The following KIF16B variants were observed in gnomAD, a reference collection of about 807,000 sequenced individuals.
KIF16B encodes kinesin-like protein KIF16B.
Under a neutral mutation model 156.3 loss-of-function variants are expected in KIF16B, and 98 were observed. That is an observed-to-expected ratio of 0.63 (90% CI 0.53 to 0.74). The LOEUF is 0.74. KIF16B is among the 30% of genes least tolerant of loss of function. The pLI is 0.00. For missense variants in KIF16B, 1,421 were observed against 1,606.5 expected (o/e 0.88, Z 1.97); for synonymous variants, 564 against 583.7 (o/e 0.97, Z 0.49).
At chr20:16,367,289 G>A (rs980869691) in intron 22 of KIF16B, 5 of 1,612,842 alleles carry the variant, frequency 3.1e-6, no homozygotes, top group Non-Finnish European at 4.2e-6. Context: ...GCTTCCTGAA[G>A]GTGCTCAGGT....
chr20:16,436,461 C>T (rs1390578653), intron 12 of KIF16B, among the ~76,000 whole-genome samples: 1 of 152,184 alleles, frequency 6.6e-6, no homozygotes, highest in East Asian at 1.9e-4. Context: ...CCTTCACTTA[C>T]AAGAGAGAGT....
chr20:16,427,062 A>T (rs2066373055), intron 15 of KIF16B, 42 bp downstream of exon 15: 2 of 1,499,374 alleles, frequency 1.3e-6, no homozygotes, highest in African/African-American at 2.8e-5. Context: ...TTGTTTTCTC[A>T]AACAATATAT....
Position 16,379,616 on chromosome 20 carries a change from C to T in KIF16B, c.2386G>A (p.Gly796Ser). 6.2e-7 allele frequency: 1 copy of T among 1,614,146 alleles called. No individual in the cohort carries two copies. Among genetic ancestry groups the T allele is most frequent in the Non-Finnish European group, 8.5e-7 (1 of 1,180,024 alleles). ...WVEEEKRDLEGIRESLLRVKE... is the reference protein window; with the variant it reads ...WVEEEKRDLESIRESLLRVKE... ...ACCCGCAGGAGGGATTCCCGAATGC[C>T]TTCCAGGTCCCTCTTCTCCTCTTCC... The change falls in exon 19 of 26, where the codon GGC becomes AGC. Residue 796 changes from glycine (G) to serine (S), a missense_variant. Coordinates refer to ENST00000354981, the MANE Select transcript of KIF16B (RefSeq NM_024704.5).
intron 12 of KIF16B, among the ~76,000 whole-genome samples, chr20:16,434,671 CAGT>C (rs2066596561): frequency 6.6e-6 from 1 of 152,108 alleles, no homozygotes; most frequent in South Asian, 2.1e-4. Context: ...ACCAGGCACA[CAGT>C]AGTCACTCAG....
rs2236144 is a variant in KIF16B, at chr20:16,379,532, G to C, written c.2470C>G (p.Arg824Gly). 6.2e-7 allele frequency: 1 copy of C among 1,614,054 alleles called. No homozygotes were observed. The highest frequency in any genetic ancestry group is 1.7e-5 in the Admixed American group (1 of 60,028). ...DGEELEKAQL[R>G]FFEFKRRQLV... ...TGCCTTCTCTTGAATTCGAAGAAAC[G>C]CAGTTGAGCCTTTTCTAACTCCTCG... Residue 824 changes from arginine (R) to glycine (G), a missense_variant, in exon 19 of 26, where the codon CGT (arginine) becomes GGT (glycine). By Grantham distance (125) the Arg-to-Gly change is moderately radical (BLOSUM62 -2). Coordinates refer to ENST00000354981, the MANE Select transcript of KIF16B (RefSeq NM_024704.5).
chr20:16,329,044 A>G (rs1455108920), intron 24 of KIF16B, among the ~76,000 whole-genome samples: 1 of 152,216 alleles, frequency 6.6e-6, no homozygotes, highest in Non-Finnish European at 1.5e-5. Context: ...TAAAAAAATC[A>G]GACAGGAGTT....
rs770568755 is a variant in KIF16B at position 16,506,097 on chromosome 20, T to A, written c.793A>T (p.Thr265Ser). The A allele has an allele frequency of 3.7e-6, 6 of 1,613,828 alleles. No homozygotes were observed. ...CCCCCTTCCTTTAGCCTAACCCCGG[T>A]GGCTCCGGTGGCATCTGCACGCTCA... Reference protein sequence around the residue: ...GSERADATGATGVRLKEGGNI... With the variant: ...GSERADATGASGVRLKEGGNI... Residue 265 changes from threonine to serine, a missense_variant, in exon 8 of 26, where the codon ACC (threonine) becomes TCC (serine). Coordinates refer to ENST00000354981, the MANE Select transcript of KIF16B (RefSeq NM_024704.5).
intron 12 of KIF16B, among the ~76,000 whole-genome samples, chr20:16,487,851 T>C (rs2068168062): frequency 6.6e-6 from 1 of 152,194 alleles, no homozygotes; most frequent in Non-Finnish European, 1.5e-5. Context: ...GATCCCATCA[T>C]CACATGGATT....
chr20:16,442,454 C>G (rs1238535221), intron 12 of KIF16B, among the ~76,000 whole-genome samples: 3 of 149,874 alleles, frequency 2.0e-5, no homozygotes, highest in African/African-American at 7.4e-5. Context: ...ATACAATTTT[C>G]CACATCAATT....
At chr20:16,473,094 T>C (rs144900168) in intron 12 of KIF16B, among the ~76,000 whole-genome samples, 1 of 152,204 alleles carries the variant, frequency 6.6e-6, no homozygotes, top group Non-Finnish European at 1.5e-5. Flanking sequence ...AATTCTGTTA[T>C]AAGGAATCCA....
intron 22 of KIF16B, among the ~76,000 whole-genome samples, chr20:16,363,032 G>T (rs2064580291): frequency 6.6e-6 from 1 of 152,188 alleles, no homozygotes; most frequent in African/African-American, 2.4e-5. Context: ...TGATGGTGAT[G>T]GTTTGAAAAA....
Position 16,526,210 on chromosome 20 carries a change from A to ATT in KIF16B, c.118-6_118-5insAA. 6.7e-7 allele frequency: 1 copy of ATT among 1,500,058 alleles called. No individual in the cohort carries two copies. Among genetic ancestry groups the ATT allele is most frequent in the Non-Finnish European group, 9.2e-7 (1 of 1,089,938 alleles). The allele number at this position is 1,500,058 out of a possible 1,614,324, so 92.9% of individuals were successfully genotyped here. A position where few individuals can be genotyped will look rare whatever the true frequency, so the allele number is the denominator to read the frequency against. ...CCCAGTGCCTCCTTCTGGTATCTAGAAAGAAATGATTAGAATAATAATGAT... is the reference window on the plus strand; with the variant it reads ...CCCAGTGCCTCCTTCTGGTATCTAGATTAAGAAATGATTAGAATAATAATGAT... On this transcript the variant is annotated splice_region_variant and splice_polypyrimidine_tract_variant and intron_variant, in intron 2 of 25. Transcript: ENST00000354981.
intron 15 of KIF16B, among the ~76,000 whole-genome samples, chr20:16,426,555 TA>T (rs1220860299): frequency 6.6e-6 from 1 of 152,144 alleles, no homozygotes; most frequent in African/African-American, 2.4e-5. Flanking sequence ...GTTAGTGTCC[TA>T]ATGTAGATGT....
At chr20:16,478,671 T>C (rs151135694) in intron 12 of KIF16B, among the ~76,000 whole-genome samples, 146 of 152,310 alleles carry the variant, frequency 9.6e-4, no homozygotes, top group African/African-American at 3.3e-3. Flanking sequence ...GGTGTACCAT[T>C]TGTATTCAAG....
At chr20:16,406,959 G>A (rs2065802219) in intron 15 of KIF16B, among the ~76,000 whole-genome samples, 1 of 152,132 alleles carries the variant, frequency 6.6e-6, no homozygotes, top group South Asian at 2.1e-4. Flanking sequence ...GAATTTGACG[G>A]GAGAGAACTT....
chr20:16,427,080 C>G (rs41276374), intron 15 of KIF16B, 24 bp downstream of exon 15: 624 of 1,584,086 alleles, frequency 3.9e-4, no homozygotes, highest in Non-Finnish European at 5.0e-4. Flanking sequence ...TATACAAAGA[C>G]CTGTGAAAAT....
intron 22 of KIF16B, among the ~76,000 whole-genome samples, chr20:16,359,996 T>C (rs2064521659): frequency 6.6e-6 from 1 of 152,208 alleles, no homozygotes. Flanking sequence ...CTTACTGATT[T>C]CATATGAACT....
chr20:16,357,178 A>C (rs1475443228), intron 22 of KIF16B, among the ~76,000 whole-genome samples: 1 of 152,206 alleles, frequency 6.6e-6, no homozygotes, highest in East Asian at 1.9e-4. Context: ...GCTTTAGAAA[A>C]CATATGTTTT....
At chr20:16,428,548 G>A (rs539879566) in intron 14 of KIF16B, among the ~76,000 whole-genome samples, 2 of 152,134 alleles carry the variant, frequency 1.3e-5, no homozygotes, top group African/African-American at 2.4e-5. Flanking sequence ...TGTCATCTTT[G>A]TGAAGACAGT....
Sources: allele counts gnomAD v4.1 joint callset (sites outside exome capture counted in the v4.1 genomes callset), GRCh38; gene constraint gnomAD v4.1.1; transcripts MANE v1.5; gene names NCBI Gene and HGNC (gene_info 2026-07-23, HGNC 2026-07-21).